RAB3C: variants seen among roughly 807,000 people sequenced by gnomAD.
RAB3C encodes ras-related protein Rab-3C.
In RAB3C, 17 loss-of-function variants were observed where a neutral mutation model predicts 26.4. The ratio of observed to expected loss-of-function variants is 0.64; its 90% CI spans 0.44 to 0.97. RAB3C has a LOEUF of 0.97. Ranked by LOEUF, RAB3C falls within the 50% of genes least tolerant of loss-of-function variation. RAB3C has a pLI of 0.00. For synonymous variants in RAB3C, 91 were observed against 95.9 expected, an observed-to-expected ratio of 0.95 and a Z score of 0.30; for missense variants, 242 against 281.9, an observed-to-expected ratio of 0.86 and a Z score of 1.01.
At chr5:58,671,915 C>A (rs1302069094) in intron 2 of RAB3C, among the ~76,000 whole-genome samples, 1 of 151,858 alleles carries the variant, frequency 6.6e-6, no homozygotes, top group Non-Finnish European at 1.5e-5. Context: ...TACACGTAAA[C>A]AATGACATGA....
chr5:58,707,582 A>G (rs970537136), intron 2 of RAB3C, among the ~76,000 whole-genome samples: 1 of 152,186 alleles, frequency 6.6e-6, no homozygotes, highest in Admixed American at 6.5e-5. Flanking sequence ...GAGTGGAGCC[A>G]GAATGTGAAC....
chr5:58,745,392 CAAAAAAAAAAAAAAAA>C (rs1173604247), intron 3 of RAB3C, among the ~76,000 whole-genome samples: 1 of 33,110 alleles, frequency 3.0e-5, no homozygotes, highest in Non-Finnish European at 6.6e-5. Flanking sequence ...GACTCTGCTT[CAAAAAAAAAAAAAAAA>C]AAAAAAAAAA....
rs1579954016 is a variant in RAB3C, at chr5:58,851,873, C to T, written c.*522C>T. On this transcript the variant is annotated 3_prime_UTR_variant, in exon 5 of 5. Transcript: ENST00000282878. ...TTTCTCATGATTAGGGACGCTGTCA[C>T]GAGTCTGGTCAGTTTACTGTTGGGA... The T allele has an allele frequency of 6.6e-6, 1 of 152,104 alleles. No individual in the cohort carries two copies. The highest frequency in any genetic ancestry group is 1.5e-5 in the Non-Finnish European group (1 of 68,046). The allele number at this position is 152,104 out of a possible 1,614,324, so 9.4% of individuals were successfully genotyped here.
chr5:58,800,153 T>TA (rs1202540407), intron 3 of RAB3C, among the ~76,000 whole-genome samples: 2 of 152,264 alleles, frequency 1.3e-5, no homozygotes, highest in Non-Finnish European at 2.9e-5. Flanking sequence ...TGCTACCTAA[T>TA]ACAATTCTTT....
chr5:58,775,763 A>G (rs1379040182), intron 3 of RAB3C, among the ~76,000 whole-genome samples: 1 of 152,136 alleles, frequency 6.6e-6, no homozygotes, highest in African/African-American at 2.4e-5. Context: ...GCAGACCACC[A>G]GTTTTCAAAT....
chr5:58,768,152 AC>A (rs1256405755), intron 3 of RAB3C, among the ~76,000 whole-genome samples: 2 of 152,164 alleles, frequency 1.3e-5, no homozygotes, highest in African/African-American at 4.8e-5. Context: ...CCTGTCTTGA[AC>A]ATGCTGACTT....
intron 3 of RAB3C, among the ~76,000 whole-genome samples, chr5:58,757,459 C>T (rs1300039715): frequency 6.6e-6 from 1 of 152,152 alleles, no homozygotes; most frequent in East Asian, 1.9e-4. Context: ...CCGCCCCCAA[C>T]TTTTTTTTAA....
At chr5:58,696,147 T>G (rs542678367) in intron 2 of RAB3C, among the ~76,000 whole-genome samples, 4 of 152,354 alleles carry the variant, frequency 2.6e-5, no homozygotes, top group African/African-American at 9.6e-5. Flanking sequence ...TGTTGAATTT[T>G]GTTGAAGGCC....
At chr5:58,649,554 G>C (rs1165370802) in intron 2 of RAB3C, among the ~76,000 whole-genome samples, 1 of 151,728 alleles carries the variant, frequency 6.6e-6, no homozygotes, top group Non-Finnish European at 1.5e-5. Context: ...TCCCCTCCCA[G>C]GTCTCTTAAC....
chr5:58,656,131 A>T (rs1278497420), intron 2 of RAB3C, among the ~76,000 whole-genome samples: 1 of 152,188 alleles, frequency 6.6e-6, no homozygotes, highest in Non-Finnish European at 1.5e-5. Flanking sequence ...CCAAACAAAG[A>T]GACTTAGAAA....
At chr5:58,799,129 T>C (rs200662462) in intron 3 of RAB3C, among the ~76,000 whole-genome samples, 1 of 152,170 alleles carries the variant, frequency 6.6e-6, no homozygotes, top group East Asian at 1.9e-4. Context: ...TCCTGGTTGA[T>C]TTAGTGCAAC....
intron 2 of RAB3C, among the ~76,000 whole-genome samples, chr5:58,648,734 G>A (rs1330266234): frequency 6.6e-6 from 1 of 152,086 alleles, no homozygotes; most frequent in East Asian, 1.9e-4. Context: ...TTTTATCAGA[G>A]CAAGCTATAA....
chr5:58,782,764 G>A (rs1291717998), intron 3 of RAB3C, among the ~76,000 whole-genome samples: 3 of 152,054 alleles, frequency 2.0e-5, no homozygotes, highest in Non-Finnish European at 4.4e-5. Flanking sequence ...CACTTCAGTA[G>A]GAATATTAGC....
chr5:58,674,020 A>G (rs1342377616), intron 2 of RAB3C, among the ~76,000 whole-genome samples: 1 of 152,248 alleles, frequency 6.6e-6, no homozygotes, highest in African/African-American at 2.4e-5. Context: ...AAGCAGCACA[A>G]TGATAGTACA....
chr5:58,810,385 C>CTCTCTG (rs879294409), intron 3 of RAB3C, among the ~76,000 whole-genome samples: 16 of 146,912 alleles, frequency 1.1e-4, no homozygotes, highest in African/African-American at 2.8e-4. Flanking sequence ...CTCTCTCTCT[C>CTCTCTG]TGTGTGTGTG....
At position 58,855,642 on chromosome 5, in the gene RAB3C, T is replaced by C; in HGVS notation, c.*4291T>C. ...AAATGGTGAAGTCTTTCTGATATGC[T>C]GAACCTTTGAGCCAGCTTTTGGGAG... On this transcript the variant is annotated 3_prime_UTR_variant, in exon 5 of 5. Coordinates refer to ENST00000282878, the MANE Select transcript of RAB3C (RefSeq NM_138453.4). The C allele has an allele frequency of 6.6e-6, 1 of 152,242 alleles. No homozygotes were observed. The highest frequency in any genetic ancestry group is 1.5e-5 in the Non-Finnish European group (1 of 68,042). The allele number at this position is 152,242 out of a possible 1,614,324, so 9.4% of individuals were successfully genotyped here.
rs183536494 is a variant in RAB3C, at chr5:58,852,388, C to T, written c.*1037C>T. 6.6e-6 allele frequency: 1 copy of T among 152,252 alleles called. No individual in the cohort carries two copies. The highest frequency in any genetic ancestry group is 1.9e-4 in the East Asian group (1 of 5,178). The allele number at this position is 152,252 out of a possible 1,614,324, so 9.4% of individuals were successfully genotyped here. On this transcript the variant is annotated 3_prime_UTR_variant, in exon 5 of 5. Coordinates refer to ENST00000282878, the MANE Select transcript of RAB3C (RefSeq NM_138453.4). ...CCCAAACACGGCCATCTTCTCAAAC[C>T]TCAGCTAAGTTCTTTTACCTGTTTA...
intron 4 of RAB3C, among the ~76,000 whole-genome samples, chr5:58,840,899 G>T (rs530665680): frequency 7.2e-5 from 11 of 152,326 alleles, no homozygotes; most frequent in Non-Finnish European, 1.6e-4. Flanking sequence ...TGTTACTCTT[G>T]CCACAGGCAC....
intron 2 of RAB3C, among the ~76,000 whole-genome samples, chr5:58,663,555 A>G (rs552228902): frequency 1.3e-5 from 2 of 150,354 alleles, no homozygotes; most frequent in Non-Finnish European, 2.9e-5. Flanking sequence ...GAAGGGAAAG[A>G]TTTATTCAAA....
Sources: gnomAD v4.1 joint callset for allele counts (sites outside exome capture counted in the v4.1 genomes callset) on GRCh38, gnomAD v4.1.1 for gene constraint, MANE v1.5 for transcripts, NCBI Gene and HGNC (gene_info 2026-07-23, HGNC 2026-07-21) for gene names.